Variants in MGAT4A observed in about 807,000 individuals in gnomAD.
MGAT4A encodes the protein alpha-1,3-mannosyl-glycoprotein 4-beta-N-acetylglucosaminyltransferase A, also known as N-acetylglucosaminyltransferase IVa.
Under a neutral mutation model 74.1 loss-of-function variants are expected in MGAT4A, and 33 were observed. The observed-to-expected ratio is 0.45, with a 90% CI of 0.34 to 0.60. The LOEUF (loss-of-function observed/expected upper bound fraction) is 0.60, where lower values mean the gene tolerates loss of function less well. Among genes scored for constraint, MGAT4A ranks in the 20% least tolerant of loss-of-function variants. The pLI, the probability that MGAT4A is intolerant of heterozygous loss-of-function variation, is 0.02. For synonymous variants in MGAT4A, 198 were observed against 210.4 expected (o/e 0.94, Z 0.51); for missense variants, 479 against 628.3 (o/e 0.76, Z 2.54).
chr2:98,675,809 C>T (rs191072930), intron 3 of MGAT4A, among the ~76,000 whole-genome samples: 67 of 152,306 alleles, frequency 4.4e-4, no homozygotes, highest in Non-Finnish European at 9.1e-4. Flanking sequence ...CTGTCTTGGC[C>T]TTCCAAAGTG....
chr2:98,630,905 A>G (rs1279209855), intron 14 of MGAT4A, among the ~76,000 whole-genome samples: 4 of 152,344 alleles, frequency 2.6e-5, no homozygotes, highest in Admixed American at 6.5e-5. Flanking sequence ...CCTTAACCCA[A>G]TGGTCTGGAA....
chr2:98,678,614 G>A (rs1332327639), intron 2 of MGAT4A, 143 bp from the exon 3 acceptor site: 2 of 434,084 alleles, frequency 4.6e-6, no homozygotes, highest in African/African-American at 2.0e-5. Flanking sequence ...AAAAAAAAGG[G>A]TTCTGACTTG....
intron 5 of MGAT4A, among the ~76,000 whole-genome samples, chr2:98,662,034 G>A (rs2104269820): frequency 6.6e-6 from 1 of 152,330 alleles, no homozygotes; most frequent in South Asian, 2.1e-4. Context: ...TGGACAGGAG[G>A]AAGCTAAGGC....
At chr2:98,682,422 C>CA (rs1013377462) in intron 2 of MGAT4A, among the ~76,000 whole-genome samples, 2,618 of 34,788 alleles carry the variant, frequency 0.075, 179 homozygotes, top group East Asian at 0.15. Context: ...AATTCCATCT[C>CA]AAAAAAAAAA....
chr2:98,664,467 C>T (rs534127335), intron 4 of MGAT4A, among the ~76,000 whole-genome samples: 8 of 152,068 alleles, frequency 5.3e-5, no homozygotes, highest in South Asian at 2.1e-4. Flanking sequence ...AAAATTAAAC[C>T]GAACCATGTA....
intron 2 of MGAT4A, among the ~76,000 whole-genome samples, chr2:98,680,961 A>G (rs977009694): frequency 3.9e-5 from 6 of 152,122 alleles, no homozygotes; most frequent in African/African-American, 1.5e-4. Context: ...AAGAAATTCA[A>G]TTCAGTATCC....
intron 8 of MGAT4A, among the ~76,000 whole-genome samples, chr2:98,649,591 C>A (rs1457213076): frequency 1.3e-5 from 2 of 152,116 alleles, no homozygotes; most frequent in African/African-American, 4.8e-5. Flanking sequence ...CCAGAGGCTG[C>A]AGTACCAGAG....
intron 4 of MGAT4A, among the ~76,000 whole-genome samples, chr2:98,669,972 G>A (rs540153012): frequency 2.0e-4 from 30 of 152,264 alleles, no homozygotes; most frequent in African/African-American, 7.2e-4. Flanking sequence ...CAACCTTGGT[G>A]GACACGTACT....
At position 98,621,726 on chromosome 2, in the gene MGAT4A, G is replaced by A. The variant is rs1419953141; in HGVS notation, c.*3840C>T. 8.0e-7 allele frequency: 1 copy of A among 1,256,550 alleles called. No homozygotes were observed. The highest frequency in any genetic ancestry group is 1.5e-5 in the African/African-American group (1 of 64,554). 77.8% of individuals were successfully genotyped at this position (1,256,550 alleles called of 1,614,324 possible). A position where few individuals can be genotyped will look rare whatever the true frequency, so the allele number is the denominator to read the frequency against. ...CTAGAATAATCTCTCCAAACGTGCTGTTTCCACATAACCAGTCTTTTCTTT... is the reference window on the plus strand; with the variant it reads ...CTAGAATAATCTCTCCAAACGTGCTATTTCCACATAACCAGTCTTTTCTTT... On this transcript the variant is annotated 3_prime_UTR_variant, in exon 16 of 16. Transcript: ENST00000393487.
chr2:98,621,500 T>C lies in MGAT4A; in HGVS notation c.*4066A>G, dbSNP rs1429760444. The stretch of plus-strand genomic sequence containing the variant: ...ACTTCTGCCACCAGCCCGAGAAAAC[T>C]CTCTGCTTTTAAAGGAGTCACAAGA... On this transcript the variant is annotated 3_prime_UTR_variant, in exon 16 of 16. Coordinates refer to ENST00000393487, the MANE Select transcript of MGAT4A (RefSeq NM_012214.3). 1 of 1,551,600 alleles carries C rather than the reference T, an allele frequency of 6.4e-7. No individual in the cohort carries two copies. Among genetic ancestry groups the C allele is most frequent in the Non-Finnish European group, 8.7e-7 (1 of 1,146,958 alleles).
At chr2:98,652,948 T>C (rs1297890630) in intron 8 of MGAT4A, among the ~76,000 whole-genome samples, 1 of 151,922 alleles carries the variant, frequency 6.6e-6, no homozygotes, top group Non-Finnish European at 1.5e-5. Context: ...AGACTAAAAC[T>C]ATGCAATGTA....
intron 10 of MGAT4A, among the ~76,000 whole-genome samples, chr2:98,643,480 A>G (rs894973578): frequency 2.0e-4 from 31 of 152,254 alleles, no homozygotes; most frequent in Non-Finnish European, 1.2e-4. Flanking sequence ...AAGGTACTTT[A>G]ACGTCTCATT....
chr2:98,700,805 C>A (rs1702345025), intron 2 of MGAT4A, among the ~76,000 whole-genome samples: 1 of 151,192 alleles, frequency 6.6e-6, no homozygotes. Context: ...GCAGGAGAAT[C>A]GCTTGAACCC....
At chr2:98,730,035 T>C (rs1702822706) in intron 1 of MGAT4A, among the ~76,000 whole-genome samples, 1 of 152,270 alleles carries the variant, frequency 6.6e-6, no homozygotes, top group Non-Finnish European at 1.5e-5. Context: ...AAACTGTTTT[T>C]TAAACATTCA....
chr2:98,636,706 C>A, intron 12 of MGAT4A, 111 bp from the exon 13 acceptor site: 1 of 818,080 alleles, frequency 1.2e-6, no homozygotes, highest in Non-Finnish European at 2.0e-6. Context: ...TCTAAGCAAG[C>A]AAAGTTGACA....
At chr2:98,713,811 T>C (rs1702552189) in intron 2 of MGAT4A, among the ~76,000 whole-genome samples, 1 of 152,194 alleles carries the variant, frequency 6.6e-6, no homozygotes. Context: ...TAGCATGACA[T>C]GGGAGAAACC....
At chr2:98,678,550 A>G in intron 2 of MGAT4A, 79 bp from the exon 3 acceptor site, 1 of 988,516 alleles carries the variant, frequency 1.0e-6, no homozygotes, top group South Asian at 3.6e-5. Context: ...CTGTAAAATT[A>G]CAAAGTTTAA....
At chr2:98,644,586 A>T (rs190151100) in intron 9 of MGAT4A, among the ~76,000 whole-genome samples, 1 of 152,158 alleles carries the variant, frequency 6.6e-6, no homozygotes, top group Non-Finnish European at 1.5e-5. Context: ...TAACCTCTCA[A>T]TATTATTTGA....
intron 2 of MGAT4A, among the ~76,000 whole-genome samples, chr2:98,686,595 G>A (rs983461758): frequency 1.3e-5 from 2 of 151,170 alleles, no homozygotes; most frequent in Non-Finnish European, 1.5e-5. Context: ...CACCCAGGCT[G>A]GAGTGCAGTG....
Sources: allele counts gnomAD v4.1 joint callset (sites outside exome capture counted in the v4.1 genomes callset), GRCh38; gene constraint gnomAD v4.1.1; transcripts MANE v1.5; gene names NCBI Gene and HGNC (gene_info 2026-07-23, HGNC 2026-07-21).